The following TRIO variants were observed in gnomAD, a reference collection of about 807,000 sequenced individuals.
The protein encoded by TRIO is trio Rho guanine nucleotide exchange factor.
TRIO carries 58 observed loss-of-function variants against 351.9 expected under a neutral mutation model. The observed-to-expected ratio is 0.16, with a 90% CI of 0.13 to 0.21. TRIO has a LOEUF of 0.21. Among genes scored for constraint, TRIO ranks in the 10% least tolerant of loss-of-function variants. TRIO has a pLI of 1.00. For missense variants in TRIO, 3,201 were observed against 4,027.8 expected, an observed-to-expected ratio of 0.79 and a Z score of 5.56; for synonymous variants, 1,758 against 1,595.7, an observed-to-expected ratio of 1.10 and a Z score of -2.42.
At chr5:14,223,512 G>A (rs1485913919) in intron 1 of TRIO, among the ~76,000 whole-genome samples, 2 of 152,156 alleles carry the variant, frequency 1.3e-5, no homozygotes, top group African/African-American at 2.4e-5. Context: ...GGAACAGGGC[G>A]GTGGAGCAAC....
intron 34 of TRIO, among the ~76,000 whole-genome samples, chr5:14,443,979 C>G (rs558468740): frequency 6.6e-6 from 1 of 152,246 alleles, no homozygotes; most frequent in South Asian, 2.1e-4. Flanking sequence ...TCCCCTGACT[C>G]AAGCTCAGGA....
At chr5:14,461,421 C>G in intron 35 of TRIO, 110 bp downstream of exon 35, 1 of 1,357,432 alleles carries the variant, frequency 7.4e-7, no homozygotes, top group East Asian at 2.6e-5. Context: ...GTTTTCCGCA[C>G]TTACTCAGAA....
At chr5:14,489,336 A>G (rs1382100002) in intron 48 of TRIO, among the ~76,000 whole-genome samples, 2 of 152,236 alleles carry the variant, frequency 1.3e-5, no homozygotes, top group African/African-American at 4.8e-5. Flanking sequence ...TTTACAGTTG[A>G]AGTGGCCGGG....
chr5:14,508,199 A>G lies in TRIO; in HGVS notation c.9071A>G (p.Lys3024Arg), dbSNP rs202205709. Residue 3024 changes from lysine (K) to arginine (R), a missense_variant, in exon 57 of 57, where the codon AAG becomes AGG. Lys to Arg is a conservative substitution (Grantham distance 26, BLOSUM62 2). Coordinates refer to ENST00000344204, the MANE Select transcript of TRIO (RefSeq NM_007118.4). Reference sequence around the variant, plus strand: ...TTTAAAGGAGTGAGCCAGAAGGCCAAGGAGTTCGTGTGCTTCCTCCTGCAG... The same window carrying G: ...TTTAAAGGAGTGAGCCAGAAGGCCAGGGAGTTCGTGTGCTTCCTCCTGCAG... Reference protein sequence around the residue: ...DYFKGVSQKAKEFVCFLLQED... With the variant: ...DYFKGVSQKAREFVCFLLQED... 5.0e-6 allele frequency: 8 copies of G among 1,614,152 alleles called. No homozygotes were observed. The highest frequency in any genetic ancestry group is 1.1e-5 in the South Asian group (1 of 91,082).
At chr5:14,176,464 T>C (rs949716017) in intron 1 of TRIO, among the ~76,000 whole-genome samples, 6 of 152,010 alleles carry the variant, frequency 3.9e-5, no homozygotes, top group South Asian at 4.2e-4. Flanking sequence ...AGCGAGACTC[T>C]GTCTCAAAAA....
chr5:14,279,077 T>C (rs1424202705), intron 2 of TRIO, among the ~76,000 whole-genome samples: 1 of 152,246 alleles, frequency 6.6e-6, no homozygotes, highest in Non-Finnish European at 1.5e-5. Flanking sequence ...GAGCACGTGA[T>C]ACCCTACCTG....
At chr5:14,491,561 C>T (rs764721965) in intron 48 of TRIO, among the ~76,000 whole-genome samples, 4 of 152,190 alleles carry the variant, frequency 2.6e-5, no homozygotes, top group South Asian at 4.1e-4. Flanking sequence ...ATAGGCCACG[C>T]GCTAGATGAG....
chr5:14,474,463 G>A (rs1173398428), intron 40 of TRIO, among the ~76,000 whole-genome samples: 1 of 151,930 alleles, frequency 6.6e-6, no homozygotes, highest in African/African-American at 2.4e-5. Context: ...TGGGTTTTTT[G>A]TGAAGAGTGA....
In TRIO at chr5:14,483,484, G is replaced by T. The variant is rs150417354; in HGVS notation, c.6657+711G>T. Among the ~76,000 whole-genome samples the T allele has an allele frequency of 5.9e-3, 902 of 152,304 alleles. 9 individuals are homozygous for T. Among genetic ancestry groups the T allele is most frequent in the African/African-American group, 0.021 (875 of 41,564 alleles). ...GGGCCTCCTGCCCTACGCCATCAGG[G>T]ACAGGGAACTCTCAGACCGTGCACA... On this transcript the variant is annotated intron_variant, in intron 46 of 56. Coordinates refer to ENST00000344204, the MANE Select transcript of TRIO (RefSeq NM_007118.4).
At chr5:14,507,798 CT>C in intron 56 of TRIO, 81 bp from the exon 57 acceptor site, 1 of 1,506,280 alleles carries the variant, frequency 6.6e-7, no homozygotes, top group South Asian at 1.3e-5. Context: ...TTCCTTCCAC[CT>C]CACCATAGAG....
chr5:14,297,289 C>A (rs374000710), intron 7 of TRIO, 26 bp downstream of exon 7: 2 of 1,603,578 alleles, frequency 1.2e-6, no homozygotes, highest in Admixed American at 1.7e-5. Context: ...CCCCAGCCCA[C>A]GAGGTGGTAA....
chr5:14,348,502 T>C (rs1256801025), intron 11 of TRIO, among the ~76,000 whole-genome samples: 1 of 152,286 alleles, frequency 6.6e-6, no homozygotes, highest in Non-Finnish European at 1.5e-5. Flanking sequence ...TGTATGTACG[T>C]GCACATGCAC....
Position 14,504,573 on chromosome 5 carries a change from C to T in TRIO, c.8592C>T (p.Ser2864=), listed in dbSNP as rs772264680. 7 of 1,614,036 alleles carry T rather than the reference C, an allele frequency of 4.3e-6. No individual in the cohort carries two copies. The highest frequency in any genetic ancestry group is 5.9e-6 in the Non-Finnish European group (7 of 1,180,030). ...TCGACACCTTTGAGACCCCCACCAG[C>T]TACATCCTGGTCTTAGAAATGTGCG... ...GLLDTFETPT[S]YILVLEMADQ... The change falls in exon 55 of 57, where the codon AGC becomes AGT. Residue 2864 remains serine, a synonymous_variant. Coordinates refer to ENST00000344204, the MANE Select transcript of TRIO (RefSeq NM_007118.4).
chr5:14,150,438 A>G (rs1265756293), intron 1 of TRIO, among the ~76,000 whole-genome samples: 2 of 151,856 alleles, frequency 1.3e-5, no homozygotes, highest in African/African-American at 4.8e-5. Flanking sequence ...ACACACACAC[A>G]CCGTTTAACT....
intron 53 of TRIO, chr5:14,498,941 C>T (rs1398202313): frequency 3.3e-6 from 1 of 307,530 alleles, no homozygotes; most frequent in Non-Finnish European, 6.2e-6. Flanking sequence ...CACCAGGGCC[C>T]CCCACGACCA....
At chr5:14,385,086 G>A (rs1447387612) in intron 21 of TRIO, among the ~76,000 whole-genome samples, 1 of 152,232 alleles carries the variant, frequency 6.6e-6, no homozygotes, top group Non-Finnish European at 1.5e-5. Context: ...GATCAAAAAG[G>A]TGGACCCCAT....
intron 34 of TRIO, among the ~76,000 whole-genome samples, chr5:14,449,630 G>A (rs1015026229): frequency 6.6e-6 from 1 of 152,188 alleles, no homozygotes; most frequent in Non-Finnish European, 1.5e-5. Context: ...GCATTCCTGA[G>A]CCTCAGGCCA....
chr5:14,257,122 A>G (rs569103610), intron 1 of TRIO, among the ~76,000 whole-genome samples: 3 of 152,338 alleles, frequency 2.0e-5, no homozygotes, highest in South Asian at 2.1e-4. Context: ...GAAGCCGAAG[A>G]TGGGAGGAGA....
intron 11 of TRIO, among the ~76,000 whole-genome samples, chr5:14,347,428 C>T (rs1017359581): frequency 6.6e-6 from 1 of 152,182 alleles, no homozygotes; most frequent in African/African-American, 2.4e-5. Context: ...TAGTTTAATC[C>T]CTGGTGTCAC....
Sources: gnomAD v4.1 joint callset for allele counts (sites outside exome capture counted in the v4.1 genomes callset) on GRCh38, gnomAD v4.1.1 for gene constraint, MANE v1.5 for transcripts, NCBI Gene and HGNC (gene_info 2026-07-23, HGNC 2026-07-21) for gene names.